The following SLC24A2 variants were observed in gnomAD, a reference collection of about 807,000 sequenced individuals.
SLC24A2 encodes the protein sodium/potassium/calcium exchanger 2.
A neutral mutation model predicts 62.0 loss-of-function variants in SLC24A2; 36 were observed. The observed-to-expected ratio is 0.58, with a 90% CI of 0.44 to 0.77. The LOEUF is 0.77. Ranked by LOEUF, SLC24A2 falls within the 30% of genes least tolerant of loss-of-function variation. SLC24A2 has a pLI of 0.00. For synonymous variants in SLC24A2, 358 were observed against 294.0 expected, an observed-to-expected ratio of 1.22 and a Z score of -2.23; for missense variants, 846 against 817.9, an observed-to-expected ratio of 1.03 and a Z score of -0.42.
the SLC24A2 span, among the ~76,000 whole-genome samples, chr9:20,299,170 T>A: frequency 6.6e-6 from 1 of 152,136 alleles, no homozygotes; most frequent in Admixed American, 6.5e-5. Context: ...GGCAGGCCCA[T>A]TAAAGGAATA....
chr9:19,781,044 T>A (rs1191140238), intron 2 of SLC24A2, among the ~76,000 whole-genome samples: 1 of 152,148 alleles, frequency 6.6e-6, no homozygotes, highest in African/African-American at 2.4e-5. Context: ...AATGTTACAG[T>A]AATCATAGTA....
chr9:20,201,803 C>T, the SLC24A2 span, among the ~76,000 whole-genome samples: 26 of 152,106 alleles, frequency 1.7e-4, no homozygotes, highest in Middle Eastern at 3.4e-3. Flanking sequence ...AATTTCATTC[C>T]GTCTCCCTGT....
chr9:19,694,216 G>C (rs930775829), intron 2 of SLC24A2, among the ~76,000 whole-genome samples: 3 of 151,992 alleles, frequency 2.0e-5, no homozygotes, highest in African/African-American at 7.2e-5. Flanking sequence ...AACAGATAGG[G>C]TAAAGATATC....
chr9:19,991,829 G>C, the SLC24A2 span, among the ~76,000 whole-genome samples: 2 of 152,152 alleles, frequency 1.3e-5, no homozygotes, highest in African/African-American at 4.8e-5. Flanking sequence ...AGGGAGAACA[G>C]TCTAGACATT....
the SLC24A2 span, among the ~76,000 whole-genome samples, chr9:20,165,549 A>G: frequency 1.3e-5 from 2 of 152,056 alleles, no homozygotes; most frequent in East Asian, 1.9e-4. Context: ...TGAGGCAAAC[A>G]GAGAAATAAA....
the SLC24A2 span, among the ~76,000 whole-genome samples, chr9:20,001,439 TC>T: frequency 6.6e-6 from 1 of 152,214 alleles, no homozygotes; most frequent in Non-Finnish European, 1.5e-5. Flanking sequence ...CAATTAATTT[TC>T]CTTTGCTGCT....
the SLC24A2 span, among the ~76,000 whole-genome samples, chr9:20,083,904 G>C: frequency 1.4e-4 from 21 of 152,258 alleles, 1 homozygote; most frequent in African/African-American, 4.6e-4. Flanking sequence ...GTTTCCTCTA[G>C]TTCGATGTCG....
chr9:19,761,467 T>TTTTATTTTATTTTATTTTA lies in SLC24A2; in HGVS notation c.930+24469_930+24470insTAAAATAAAATAAAATAAA, dbSNP rs147911890. Among the ~76,000 whole-genome samples the TTTTATTTTATTTTATTTTA allele has an allele frequency of 1.8e-3, 275 of 150,298 alleles. 1 individual carries two copies. Among genetic ancestry groups the TTTTATTTTATTTTATTTTA allele is most frequent in the African/African-American group, 6.3e-3 (258 of 41,084 alleles). On this transcript the variant is annotated intron_variant, in intron 2 of 10. Coordinates refer to ENST00000341998, the MANE Select transcript of SLC24A2 (RefSeq NM_020344.4). ...GTTGCATAAATGTCATTTTTTAATT[T>TTTTATTTTATTTTATTTTA]TTTTATTTTATTTTATTTTATTTTA...
At chr9:19,980,144 A>G in the SLC24A2 span, among the ~76,000 whole-genome samples, 1 of 152,194 alleles carries the variant, frequency 6.6e-6, no homozygotes, top group African/African-American at 2.4e-5. Flanking sequence ...AAGGATGGGA[A>G]GAGTTACATG....
intron 2 of SLC24A2, 36 bp from the exon 3 acceptor site, chr9:19,622,335 G>C: frequency 6.3e-7 from 1 of 1,595,312 alleles, no homozygotes; most frequent in Non-Finnish European, 8.6e-7. Flanking sequence ...AAAAGACAAA[G>C]AAATAAATAA....
chr9:19,710,589 A>G (rs1052532362), intron 2 of SLC24A2, among the ~76,000 whole-genome samples: 3 of 152,210 alleles, frequency 2.0e-5, no homozygotes, highest in South Asian at 2.1e-4. Context: ...TAAAAGTGCT[A>G]GGATATGAGT....
At chr9:19,585,279 T>G (rs1256875368) in intron 5 of SLC24A2, among the ~76,000 whole-genome samples, 1 of 152,256 alleles carries the variant, frequency 6.6e-6, no homozygotes, top group Non-Finnish European at 1.5e-5. Flanking sequence ...ATTTCTTTTA[T>G]TCTGTGGGCC....
At chr9:20,299,785 G>T in the SLC24A2 span, among the ~76,000 whole-genome samples, 1 of 152,218 alleles carries the variant, frequency 6.6e-6, no homozygotes, top group Non-Finnish European at 1.5e-5. Flanking sequence ...GGAGAAACTT[G>T]CTCGATGTCA....
intron 4 of SLC24A2, among the ~76,000 whole-genome samples, chr9:19,597,802 C>T: frequency 6.6e-6 from 1 of 152,204 alleles, no homozygotes; most frequent in Non-Finnish European, 1.5e-5. Context: ...TTCTAAACTT[C>T]CCTTTCTCTT....
chr9:20,236,525 C>A, the SLC24A2 span, among the ~76,000 whole-genome samples: 1 of 152,120 alleles, frequency 6.6e-6, no homozygotes, highest in Non-Finnish European at 1.5e-5. Flanking sequence ...GTACTTGATT[C>A]TCTGTCGAAG....
the SLC24A2 span, among the ~76,000 whole-genome samples, chr9:20,206,507 T>G: frequency 6.6e-6 from 1 of 152,214 alleles, no homozygotes; most frequent in Non-Finnish European, 1.5e-5. Flanking sequence ...ATTATTATTT[T>G]GAGATGGTGT....
the SLC24A2 span, among the ~76,000 whole-genome samples, chr9:20,278,103 G>A: frequency 3.3e-5 from 5 of 152,032 alleles, no homozygotes; most frequent in African/African-American, 1.2e-4. Context: ...GGGGGAGGGG[G>A]AGGGATAGCA....
chr9:19,513,165 T>TATATAG lies in SLC24A2; in HGVS notation c.*2987_*2988insCTATAT, dbSNP rs1335486598. The TATATAG allele has an allele frequency of 1.7e-5, 1 of 60,420 alleles. No homozygotes were observed. The highest frequency in any genetic ancestry group is 6.2e-5 in the African/African-American group (1 of 16,022). 3.7% of individuals were successfully genotyped at this position (60,420 alleles called of 1,614,324 possible). On this transcript the variant is annotated 3_prime_UTR_variant, in exon 11 of 11. Transcript: ENST00000341998. ...GATCTGGTATAAAGATATATATATA[T>TATATAG]ATATATATATGTATATATATATATA...
At chr9:19,931,555 A>C in the SLC24A2 span, among the ~76,000 whole-genome samples, 1 of 152,242 alleles carries the variant, frequency 6.6e-6, no homozygotes, top group Non-Finnish European at 1.5e-5. Flanking sequence ...CAAAAAGGAG[A>C]TGTAGACAAT....
Sources: allele counts gnomAD v4.1 joint callset (sites outside exome capture counted in the v4.1 genomes callset), GRCh38; gene constraint gnomAD v4.1.1; transcripts MANE v1.5; gene names NCBI Gene and HGNC (gene_info 2026-07-23, HGNC 2026-07-21).